GLRA2: variants seen among roughly 807,000 people sequenced by gnomAD.
GLRA2 encodes the protein glycine receptor subunit alpha-2.
In GLRA2, 11 loss-of-function variants were observed where a neutral mutation model predicts 31.6. The ratio of observed to expected loss-of-function variants is 0.35; its 90% CI spans 0.22 to 0.58. The LOEUF (loss-of-function observed/expected upper bound fraction) is 0.58. Among genes scored for constraint, GLRA2 ranks in the 20% least tolerant of loss-of-function variants. The pLI, the probability that GLRA2 is intolerant of heterozygous loss-of-function variation, is 0.84. For missense variants in GLRA2, 212 were observed against 351.8 expected (o/e 0.60, Z 3.18); for synonymous variants, 132 against 134.0 (o/e 0.99, Z 0.10).
At chrX:14,707,560 A>AC (rs375558006) in intron 8 of GLRA2, among the ~76,000 whole-genome samples, 7 of 61,902 alleles carry the variant, frequency 1.1e-4, no homozygotes, top group East Asian at 6.6e-4. Flanking sequence ...TTTTTAACCC[A>AC]CCCCCCACCC....
chrX:14,476,364 G>C, the GLRA2 span, among the ~76,000 whole-genome samples: 3 of 111,893 alleles, frequency 2.7e-5, no homozygotes, highest in Non-Finnish European at 5.6e-5. Flanking sequence ...ATTGGATTCA[G>C]CTGGTGTTTC....
At chrX:14,716,305 A>T (rs749291865) in intron 8 of GLRA2, among the ~76,000 whole-genome samples, 33 of 111,769 alleles carry the variant, frequency 3.0e-4, no homozygotes, top group African/African-American at 1.0e-3. Flanking sequence ...GAACAAAAAA[A>T]AATTGAGGGA....
At chrX:14,626,383 A>G (rs1052562587) in intron 7 of GLRA2, among the ~76,000 whole-genome samples, 2 of 112,266 alleles carry the variant, frequency 1.8e-5, no homozygotes, top group African/African-American at 3.2e-5. Context: ...GGCTATGCAT[A>G]CTGAATTCAC....
chrX:14,686,960 T>G (rs2091285440), intron 7 of GLRA2, among the ~76,000 whole-genome samples: 1 of 112,323 alleles, frequency 8.9e-6, no homozygotes, highest in African/African-American at 3.2e-5. Context: ...CCTTTCCATG[T>G]TTAGTGCTTC....
At chrX:14,631,162 T>C (rs2090640882) in intron 7 of GLRA2, among the ~76,000 whole-genome samples, 1 of 111,778 alleles carries the variant, frequency 8.9e-6, no homozygotes, top group African/African-American at 3.3e-5. Context: ...ATTAACCTTT[T>C]CTTTTGCAAT....
the GLRA2 span, among the ~76,000 whole-genome samples, chrX:14,451,138 C>T: frequency 9.0e-6 from 1 of 111,693 alleles, no homozygotes; most frequent in Non-Finnish European, 1.9e-5. Context: ...ACAAGAGATT[C>T]TTAAGACAGT....
At chrX:14,578,298 A>G (rs1274833257) in intron 3 of GLRA2, among the ~76,000 whole-genome samples, 1 of 112,214 alleles carries the variant, frequency 8.9e-6, no homozygotes, top group African/African-American at 3.2e-5. Context: ...AATTTATTGT[A>G]GGTGTTGCCT....
chrX:14,530,872 A>G, intron 1 of GLRA2: 1 of 573,555 alleles, frequency 1.7e-6, no homozygotes, highest in Non-Finnish European at 2.2e-6. Flanking sequence ...TCATCTAATA[A>G]CAGAGAGTGG....
In GLRA2 at chrX:14,691,304, TGTGTGTGTGTGTGTGTGTGTGC is replaced by T. The variant is rs1244009433; in HGVS notation, c.1080+447_1080+468del. 1.1e-3 allele frequency among the ~76,000 whole-genome samples: 117 copies of T among 105,345 alleles called. 1 individual carries two copies. Among genetic ancestry groups the T allele is most frequent in the Middle Eastern group, 4.7e-3 (1 of 211 alleles). 91.5% of individuals were successfully genotyped at this position (105,345 alleles called of 115,157 possible). Reference sequence around the variant, plus strand: ...GTGTGTGTGTGTGTGTGTGTGTGTGTGTGTGTGTGTGTGTGTGTGTGCGCGCGTGCGTGCGTGTACATCACTG... The same window carrying T: ...GTGTGTGTGTGTGTGTGTGTGTGTGTGCGCGTGCGTGCGTGTACATCACTG... On this transcript the variant is annotated intron_variant, in intron 8 of 8. Coordinates refer to ENST00000218075, the MANE Select transcript of GLRA2 (RefSeq NM_002063.4).
At chrX:14,600,099 G>A (rs1409061344) in intron 4 of GLRA2, among the ~76,000 whole-genome samples, 1 of 111,142 alleles carries the variant, frequency 9.0e-6, no homozygotes, top group African/African-American at 3.3e-5. Flanking sequence ...TCAGGGATAG[G>A]GTCATGCTTG....
chrX:14,517,825 C>A, the GLRA2 span, among the ~76,000 whole-genome samples: 1 of 110,337 alleles, frequency 9.1e-6, no homozygotes, highest in South Asian at 3.8e-4. Flanking sequence ...CAGTAAAAAC[C>A]ATAAGGGGAA....
chrX:14,721,884 T>C (rs1349632051), intron 8 of GLRA2, among the ~76,000 whole-genome samples: 1 of 111,199 alleles, frequency 9.0e-6, no homozygotes, highest in Non-Finnish European at 1.9e-5. Context: ...GTTTATTAAG[T>C]ATATTTTCTA....
chrX:14,461,700 G>C, the GLRA2 span, among the ~76,000 whole-genome samples: 1 of 111,362 alleles, frequency 9.0e-6, no homozygotes, highest in Admixed American at 9.6e-5. Flanking sequence ...CCATTTACTT[G>C]GTAGATCTTC....
chrX:14,472,029 T>C, the GLRA2 span, among the ~76,000 whole-genome samples: 25 of 112,081 alleles, frequency 2.2e-4, no homozygotes, highest in Admixed American at 1.1e-3. Flanking sequence ...TGAGAAGCAA[T>C]AGAAGCCAAC....
the GLRA2 span, among the ~76,000 whole-genome samples, chrX:14,520,051 C>T: frequency 7.2e-5 from 8 of 111,880 alleles, no homozygotes; most frequent in Admixed American, 7.6e-4. Flanking sequence ...AAATATTGTT[C>T]AACTTCAAAT....
intron 5 of GLRA2, among the ~76,000 whole-genome samples, chrX:14,604,680 A>T (rs781644285): frequency 9.2e-6 from 1 of 109,267 alleles, no homozygotes; most frequent in South Asian, 4.0e-4. Context: ...CGCCCAAAAA[A>T]TAGCCTGATT....
the GLRA2 span, among the ~76,000 whole-genome samples, chrX:14,488,896 T>C: frequency 8.9e-6 from 1 of 112,131 alleles, no homozygotes; most frequent in Non-Finnish European, 1.9e-5. Context: ...TTTTCCCCAA[T>C]TATTTATTTC....
chrX:14,629,538 G>A (rs752400345), intron 7 of GLRA2, among the ~76,000 whole-genome samples: 16 of 111,429 alleles, frequency 1.4e-4, no homozygotes, highest in Non-Finnish European at 1.7e-4. Context: ...GCCTTTGGCA[G>A]AAAACACCAC....
At chrX:14,602,708 C>T (rs1004628800) in intron 4 of GLRA2, among the ~76,000 whole-genome samples, 2 of 112,044 alleles carry the variant, frequency 1.8e-5, no homozygotes, top group African/African-American at 6.5e-5. Flanking sequence ...AGTTACCTCA[C>T]TTAGAATAAT....
Sources: gnomAD v4.1 joint callset for allele counts (sites outside exome capture counted in the v4.1 genomes callset) on GRCh38, gnomAD v4.1.1 for gene constraint, MANE v1.5 for transcripts, NCBI Gene and HGNC (gene_info 2026-07-23, HGNC 2026-07-21) for gene names.